LCT: variants seen among roughly 807,000 people sequenced by gnomAD.
The protein encoded by LCT is lactase, also known as lactase/phlorizin hydrolase.
In LCT, 90 loss-of-function variants were observed where a neutral mutation model predicts 173.0. The observed-to-expected ratio is 0.52, with a 90% CI of 0.44 to 0.62. The LOEUF (loss-of-function observed/expected upper bound fraction) is 0.62. LCT is among the 20% of genes least tolerant of loss of function. The pLI is 0.00. For missense variants in LCT, 1,864 were observed against 2,431.4 expected (o/e 0.77, Z 4.91); for synonymous variants, 853 against 957.6 (o/e 0.89, Z 2.02).
intron 13 of LCT, among the ~76,000 whole-genome samples, chr2:135,796,805 CA>C (rs2077585629): frequency 6.6e-6 from 1 of 152,124 alleles, no homozygotes; most frequent in African/African-American, 2.4e-5. Flanking sequence ...AGGTGCTCGG[CA>C]AAGTTGTGCA....
chr2:135,822,505 G>A (rs2077842789), intron 4 of LCT: 2 of 213,070 alleles, frequency 9.4e-6, no homozygotes, highest in Non-Finnish European at 1.9e-5. Context: ...TCAAAGATCA[G>A]AAAGGGGTGG....
In LCT at chr2:135,790,329, A is replaced by G. The variant is rs1326412300; in HGVS notation, c.5335+329T>C. Among the ~76,000 whole-genome samples the G allele has an allele frequency of 1.3e-5, 2 of 152,138 alleles. No homozygotes were observed. The highest frequency in any genetic ancestry group is 4.8e-5 in the African/African-American group (2 of 41,414). ...AGACTAAGAGACCCTACAGGCAACC[A>G]CACAGCCTACTCCTCCTGGGCCCTA... On this transcript the variant is annotated intron_variant, in intron 15 of 16. Transcript: ENST00000264162. The surrounding 1 kb of genome is among the most constrained non-coding windows in gnomAD (Gnocchi z 4.1).
intron 3 of LCT, among the ~76,000 whole-genome samples, chr2:135,828,085 C>T (rs962253405): frequency 2.6e-5 from 4 of 152,140 alleles, no homozygotes; most frequent in African/African-American, 7.2e-5. Context: ...AGTGCAGTGG[C>T]GAAATCTTGG....
intron 3 of LCT, among the ~76,000 whole-genome samples, chr2:135,829,293 T>G (rs961253341): frequency 2.6e-5 from 4 of 152,170 alleles, no homozygotes; most frequent in Non-Finnish European, 5.9e-5. Flanking sequence ...AGTTGCCTTT[T>G]TAAAACTCAG....
At chr2:135,822,574 T>A (rs533530012) in intron 4 of LCT, 2 of 191,524 alleles carry the variant, frequency 1.0e-5, no homozygotes, top group East Asian at 2.7e-4. Flanking sequence ...TTTTAACCAC[T>A]TAGAGAGAGG....
chr2:135,823,410 T>C (rs1471143267), intron 4 of LCT, among the ~76,000 whole-genome samples: 1 of 152,218 alleles, frequency 6.6e-6, no homozygotes, highest in African/African-American at 2.4e-5. Flanking sequence ...ACTAGGAAGA[T>C]GGCCCTTGAG....
chr2:135,829,785 C>T, intron 2 of LCT, 109 bp from the exon 3 acceptor site: 1 of 774,022 alleles, frequency 1.3e-6, no homozygotes, highest in Non-Finnish European at 2.3e-6. Flanking sequence ...ACCAAATATT[C>T]CAAAGCAGGA....
At chr2:135,828,412 G>A (rs2077904933) in intron 3 of LCT, among the ~76,000 whole-genome samples, 1 of 152,172 alleles carries the variant, frequency 6.6e-6, no homozygotes, top group Non-Finnish European at 1.5e-5. Flanking sequence ...GTGAGTGTAG[G>A]GGGCTGCTCT....
chr2:135,799,159 G>A lies in LCT; in HGVS notation c.4867-1021C>T, dbSNP rs185074139. ...AGCAGACCAGAAAATTAAGCCCTTC[G>A]TTGCATTTATTAATTTGACTATCTT... On this transcript the variant is annotated intron_variant, in intron 12 of 16. Coordinates refer to ENST00000264162, the MANE Select transcript of LCT (RefSeq NM_002299.4). Among the ~76,000 whole-genome samples the A allele has an allele frequency of 1.5e-4, 23 of 152,232 alleles. No individual in the cohort carries two copies. The South Asian group carries it at 2.3e-3, about 15-fold the overall frequency.
At chr2:135,806,601 T>G (rs564515243) in intron 9 of LCT, among the ~76,000 whole-genome samples, 2 of 152,250 alleles carry the variant, frequency 1.3e-5, no homozygotes, top group Non-Finnish European at 2.9e-5. Flanking sequence ...CTTTCTACAT[T>G]TAGATACATT....
chr2:135,802,215 G>A (rs768910053), intron 11 of LCT, among the ~76,000 whole-genome samples: 12 of 152,150 alleles, frequency 7.9e-5, no homozygotes, highest in Non-Finnish European at 1.5e-4. Flanking sequence ...GTTACACAGT[G>A]TTCTGAGGAA....
In LCT at chr2:135,812,950, G is replaced by A; in HGVS notation, c.1714C>T (p.His572Tyr). The A allele has an allele frequency of 6.2e-7, 1 of 1,614,054 alleles. No homozygotes were observed. The highest frequency in any genetic ancestry group is 8.5e-7 in the Non-Finnish European group (1 of 1,179,982). ...CTGGCATGAGCCTTGAGGACCAAGTGAGCCACCTTGTGAAAAAGTAAGAAG... is the reference window on the plus strand; with the variant it reads ...CTGGCATGAGCCTTGAGGACCAAGTAAGCCACCTTGTGAAAAAGTAAGAAG... ...DPGVASFKVA[H>Y]LVLKAHARTW... The change falls in exon 7 of 17, where the codon CAC becomes TAC. Residue 572 changes from histidine to tyrosine, a missense_variant. Transcript: ENST00000264162.
intron 10 of LCT, 55 bp downstream of exon 10, chr2:135,804,712 C>T: frequency 6.6e-7 from 1 of 1,508,658 alleles, no homozygotes; most frequent in Non-Finnish European, 9.2e-7. Flanking sequence ...GCTCCCCCAG[C>T]CCTGCTGGTT....
rs1035099797 is a variant in LCT at position 135,801,220 on chromosome 2, A to G, written c.4664-411T>C. ...CCTATCGCAGAATCTAAAGCCCCCA[A>G]TTTAAGAAATGCTTAGGCTGGAGCA... On this transcript the variant is annotated intron_variant, in intron 11 of 16. Coordinates refer to ENST00000264162, the MANE Select transcript of LCT (RefSeq NM_002299.4). Among the ~76,000 whole-genome samples the G allele has an allele frequency of 1.2e-4, 18 of 152,168 alleles. 1 individual carries two copies.
chr2:135,804,401 G>T (rs756595361), intron 10 of LCT, among the ~76,000 whole-genome samples: 1 of 152,150 alleles, frequency 6.6e-6, no homozygotes, highest in Non-Finnish European at 1.5e-5. Context: ...TAAATTTGAG[G>T]TCGAGCACGG....
intron 2 of LCT, among the ~76,000 whole-genome samples, chr2:135,831,901 T>C (rs2077944198): frequency 6.6e-6 from 1 of 152,154 alleles, no homozygotes; most frequent in Non-Finnish European, 1.5e-5. Flanking sequence ...ACTTCCCAGA[T>C]TATTTTAATT....
Position 135,812,528 on chromosome 2 carries a change from G to A in LCT, c.2136C>T (p.His712=), listed in dbSNP as rs574860581. ...SYDTIGGFSQ[H]VNHVWPQTSS... ...AGGTCTGGGGCCACACATGGTTCAC[G>A]TGTTGGGAGAAGCCTCCAATGGTAT... The change falls in exon 7 of 17, where the codon CAC becomes CAT. Residue 712 remains histidine, a synonymous_variant. Transcript: ENST00000264162. The A allele has an allele frequency of 8.7e-6, 14 of 1,614,202 alleles. No homozygotes were observed. Among genetic ancestry groups the A allele is most frequent in the Admixed American group, 5.0e-5 (3 of 60,016 alleles).
At position 135,805,075 on chromosome 2, in the gene LCT, T is replaced by C. The variant is rs1367507135; in HGVS notation, c.4174-18A>G. The C allele has an allele frequency of 2.5e-6, 4 of 1,613,124 alleles. No individual in the cohort carries two copies. The highest frequency in any genetic ancestry group is 1.3e-5 in the African/African-American group (1 of 74,922). On this transcript the variant is annotated intron_variant, in intron 9 of 16. Coordinates refer to ENST00000264162, the MANE Select transcript of LCT (RefSeq NM_002299.4). ...CCTTCAATCTCAAGATGACAAGACA[T>C]GGTCTTATTAAGTCATTCAGTCAAG... is the stretch of plus-strand genomic sequence containing the variant.
intron 6 of LCT, among the ~76,000 whole-genome samples, chr2:135,814,670 C>G (rs2077764583): frequency 6.6e-6 from 1 of 151,966 alleles, no homozygotes; most frequent in Admixed American, 6.6e-5. Flanking sequence ...GTGCCCGCCA[C>G]CATGCCTGGC....
Sources: allele counts gnomAD v4.1 joint callset (sites outside exome capture counted in the v4.1 genomes callset), GRCh38; gene constraint gnomAD v4.1.1; non-coding constraint Gnocchi (gnomAD v3.1); transcripts MANE v1.5; gene names NCBI Gene and HGNC (gene_info 2026-07-23, HGNC 2026-07-21).